CDH12: variants seen among roughly 807,000 people sequenced by gnomAD.
The protein encoded by CDH12 is cadherin 12, also known as cadherin-12.
Under a neutral mutation model 74.1 loss-of-function variants are expected in CDH12, and 41 were observed. The observed-to-expected ratio is 0.55, with a 90% CI of 0.43 to 0.72. The LOEUF (loss-of-function observed/expected upper bound fraction) is 0.72. Ranked by LOEUF, CDH12 falls within the 30% of genes least tolerant of loss-of-function variation. The pLI, the probability that CDH12 is intolerant of heterozygous loss-of-function variation, is 0.00. For synonymous variants in CDH12, 399 were observed against 355.0 expected (o/e 1.12, Z -1.39); for missense variants, 945 against 977.2 (o/e 0.97, Z 0.44).
intron 5 of CDH12, among the ~76,000 whole-genome samples, chr5:22,058,763 G>T: frequency 7.3e-6 from 1 of 136,950 alleles, no homozygotes. Context: ...TGGAAGGAAG[G>T]AAGGAAGGGA....
chr5:21,793,086 C>T (rs1746593992), intron 10 of CDH12, among the ~76,000 whole-genome samples: 1 of 151,616 alleles, frequency 6.6e-6, no homozygotes, highest in African/African-American at 2.4e-5. Flanking sequence ...TTTTTCCTCC[C>T]ATTCATGTCA....
At chr5:22,030,138 C>T (rs544383084) in intron 5 of CDH12, among the ~76,000 whole-genome samples, 1 of 151,162 alleles carries the variant, frequency 6.6e-6, no homozygotes, top group Non-Finnish European at 1.5e-5. Flanking sequence ...GGGGGAAGGA[C>T]AGCATTAGGA....
rs1747330960 is a variant in CDH12, at chr5:21,804,646, ACACACACACAC to A, written c.1003-2237_1003-2227del. On this transcript the variant is annotated intron_variant, in intron 9 of 14. Coordinates refer to ENST00000382254, the MANE Select transcript of CDH12 (RefSeq NM_004061.5). The stretch of plus-strand genomic sequence containing the variant: ...AAATCATTCTATAGTGAATTAAAAC[ACACACACACAC>A]ACACACACACACACACACACACACA... Among the ~76,000 whole-genome samples the A allele has an allele frequency of 1.8e-3, 162 of 91,408 alleles. 4 individuals carry two copies. The South Asian group carries it at 0.029, about 16-fold the overall frequency. The allele number at this position is 91,408 out of a possible 152,430, so 60.0% of individuals were successfully genotyped here.
At chr5:22,678,378 A>C (rs1741324124) in intron 1 of CDH12, among the ~76,000 whole-genome samples, 1 of 152,128 alleles carries the variant, frequency 6.6e-6, no homozygotes, top group African/African-American at 2.4e-5. Context: ...ATATCAATAC[A>C]AATACAAAAA....
intron 1 of CDH12, among the ~76,000 whole-genome samples, chr5:22,793,271 G>T (rs922877109): frequency 4.6e-5 from 7 of 152,134 alleles, no homozygotes; most frequent in Admixed American, 6.5e-5. Flanking sequence ...AGTTTTAAAA[G>T]CTTCTTACTG....
Position 22,130,605 on chromosome 5 carries a change from C to A in CDH12, c.-186-51743G>T, listed in dbSNP as rs1746127071. 4.0e-5 allele frequency among the ~76,000 whole-genome samples: 6 copies of A among 151,822 alleles called. No individual in the cohort carries two copies. The South Asian group carries it at 1.3e-3, about 32-fold the overall frequency. ...TTGAAATAGACATGGGTTCAAATCC[C>A]AGATCCCACTGGACATCTCTGAGGC... is the stretch of plus-strand genomic sequence containing the variant. On this transcript the variant is annotated intron_variant, in intron 4 of 14. Transcript: ENST00000382254.
At chr5:22,639,294 A>T (rs1466113687) in intron 1 of CDH12, among the ~76,000 whole-genome samples, 1 of 152,004 alleles carries the variant, frequency 6.6e-6, no homozygotes, top group Non-Finnish European at 1.5e-5. Context: ...TGCAAGCAGT[A>T]AAGGTTAAGC....
chr5:22,593,860 G>A (rs1379160039), intron 1 of CDH12, among the ~76,000 whole-genome samples: 1 of 152,104 alleles, frequency 6.6e-6, no homozygotes, highest in African/African-American at 2.4e-5. Context: ...TTCTCATAAT[G>A]CTGCTTTTAG....
intron 5 of CDH12, among the ~76,000 whole-genome samples, chr5:22,066,463 C>A (rs748346142): frequency 6.6e-6 from 1 of 152,236 alleles, no homozygotes; most frequent in African/African-American, 2.4e-5. Flanking sequence ...TGTCACTGGG[C>A]CTGCCAGTTA....
intron 1 of CDH12, among the ~76,000 whole-genome samples, chr5:22,671,317 A>G (rs564575596): frequency 2.0e-5 from 3 of 152,246 alleles, no homozygotes; most frequent in Admixed American, 6.5e-5. Context: ...TTTTAAGTGT[A>G]CAAGGCTGTA....
chr5:22,584,578 G>T (rs1740278688), intron 1 of CDH12, among the ~76,000 whole-genome samples: 1 of 152,064 alleles, frequency 6.6e-6, no homozygotes, highest in Non-Finnish European at 1.5e-5. Context: ...TGCTGCAATT[G>T]ATATTTCTGT....
chr5:22,560,784 T>G (rs147431066), intron 1 of CDH12, among the ~76,000 whole-genome samples: 177 of 152,274 alleles, frequency 1.2e-3, no homozygotes, highest in African/African-American at 4.0e-3. Context: ...TAACAAGTTG[T>G]ATTTTGCTAC....
At position 22,116,829 on chromosome 5, in the gene CDH12, T is replaced by C. The variant is rs561790347; in HGVS notation, c.-186-37967A>G. Among the ~76,000 whole-genome samples the C allele has an allele frequency of 6.6e-5, 10 of 150,866 alleles. No homozygotes were observed. The East Asian group carries it at 1.8e-3, about 27-fold the overall frequency. ...GGAACTAACACAGTGACAGATGCTA[T>C]CTTCGTTCAGCTAGGCTGGAGCATC... On this transcript the variant is annotated intron_variant, in intron 4 of 14. Transcript: ENST00000382254.
chr5:22,138,845 A>AAT (rs67115449), intron 4 of CDH12, among the ~76,000 whole-genome samples: 9,834 of 76,432 alleles, frequency 0.13, 805 homozygotes, highest in Admixed American at 0.21. Context: ...ATATATACGT[A>AAT]ATATATATAT....
intron 7 of CDH12, among the ~76,000 whole-genome samples, chr5:21,843,006 C>A (rs978415001): frequency 6.6e-6 from 1 of 152,132 alleles, no homozygotes; most frequent in Non-Finnish European, 1.5e-5. Flanking sequence ...TAAGTGTGAA[C>A]TTTACAGTAC....
Position 22,730,151 on chromosome 5 carries a change from A to G in CDH12, c.-523+122907T>C, listed in dbSNP as rs1243426589. Among the ~76,000 whole-genome samples the G allele has an allele frequency of 6.6e-5, 10 of 151,862 alleles. No individual in the cohort carries two copies. The Admixed American group carries it at 6.6e-4, about 10-fold the overall frequency. ...TATTTCTGATATCAATTCTGCCAGT[A>G]AGTTACAACTAGATATTTAAATAAA... On this transcript the variant is annotated intron_variant, in intron 1 of 14. Coordinates refer to ENST00000382254, the MANE Select transcript of CDH12 (RefSeq NM_004061.5).
rs142960245 is a variant in CDH12, at chr5:22,604,819, A to T, written c.-522-99455T>A. Among the ~76,000 whole-genome samples the T allele has an allele frequency of 3.6e-3, 551 of 152,236 alleles. 1 individual carries two copies. Among genetic ancestry groups the T allele is most frequent in the African/African-American group, 0.01 (424 of 41,544 alleles). Reference sequence around the variant, plus strand: ...CACACTTTGGGCTCTCACTTGCTCCAAAGTAAGAGAGATATGCCAGCAATG... The same window carrying T: ...CACACTTTGGGCTCTCACTTGCTCCTAAGTAAGAGAGATATGCCAGCAATG... On this transcript the variant is annotated intron_variant, in intron 1 of 14. Transcript: ENST00000382254.
At chr5:22,786,666 G>A (rs141296380) in intron 1 of CDH12, among the ~76,000 whole-genome samples, 2 of 152,126 alleles carry the variant, frequency 1.3e-5, no homozygotes, top group East Asian at 1.9e-4. Context: ...GAAGGGGGTT[G>A]AGGAGAATAG....
intron 9 of CDH12, among the ~76,000 whole-genome samples, chr5:21,815,912 G>A (rs993111023): frequency 2.0e-5 from 3 of 151,962 alleles, no homozygotes; most frequent in African/African-American, 7.2e-5. Flanking sequence ...AAAAAATTAG[G>A]TTACAATTAA....
Sources: gnomAD v4.1 joint callset for allele counts (sites outside exome capture counted in the v4.1 genomes callset) on GRCh38, gnomAD v4.1.1 for gene constraint, MANE v1.5 for transcripts, NCBI Gene and HGNC (gene_info 2026-07-23, HGNC 2026-07-21) for gene names.